SLC6A3: variants seen among roughly 807,000 people sequenced by gnomAD.
SLC6A3 encodes solute carrier family 6 member 3, also known as sodium-dependent dopamine transporter.
A neutral mutation model predicts 70.4 loss-of-function variants in SLC6A3; 19 were observed. That is an observed-to-expected ratio of 0.27 (90% CI 0.19 to 0.40). The LOEUF is 0.40. Ranked by LOEUF, SLC6A3 falls within the 10% of genes least tolerant of loss-of-function variation. SLC6A3 has a pLI of 1.00. For missense variants in SLC6A3, 613 were observed against 838.5 expected, an observed-to-expected ratio of 0.73 and a Z score of 3.32; for synonymous variants, 368 against 356.6, an observed-to-expected ratio of 1.03 and a Z score of -0.36.
At chr5:1,399,241 CA>C (rs1755789674) in intron 14 of SLC6A3, among the ~76,000 whole-genome samples, 1 of 151,782 alleles carries the variant, frequency 6.6e-6, no homozygotes, top group Non-Finnish European at 1.5e-5. Context: ...TATGAGTTGA[CA>C]AAGTCACAAT....
In SLC6A3 at chr5:1,411,141, A is replaced by C. The variant is rs2550936; in HGVS notation, c.1269+102T>G. ...CAAGGACAGGAGGTCTGGGGGCCGT[A>C]CGTGAGCCCAGGGATCTTGCCTAGC... On this transcript the variant is annotated intron_variant, in intron 9 of 14. Coordinates refer to ENST00000270349, the MANE Select transcript of SLC6A3 (RefSeq NM_001044.5). The surrounding 1 kb of genome is among the most constrained non-coding windows in gnomAD (Gnocchi z 6.5). 0.28 allele frequency: 230,373 copies of C among 810,430 alleles called. 38,938 individuals carry two copies. Among genetic ancestry groups the C allele is most frequent in the African/African-American group, 0.68 (40,257 of 59,200 alleles). The allele number at this position is 810,430 out of a possible 1,614,324, so 50.2% of individuals were successfully genotyped here. A position where few individuals can be genotyped will look rare whatever the true frequency, so the allele number is the denominator to read the frequency against.
chr5:1,423,351 C>G (rs1408910688), intron 4 of SLC6A3, among the ~76,000 whole-genome samples: 3 of 97,744 alleles, frequency 3.1e-5, no homozygotes, highest in African/African-American at 9.5e-5. Context: ...CACAGTGCTG[C>G]CCACGCTGCT....
In SLC6A3 at chr5:1,403,011, G is replaced by A; in HGVS notation, c.1678C>T (p.Leu560=). 2 of 1,614,100 alleles carry A rather than the reference G, an allele frequency of 1.2e-6. No individual in the cohort carries two copies. The highest frequency in any genetic ancestry group is 1.7e-6 in the Non-Finnish European group (2 of 1,180,018). Reference sequence around the variant, plus strand: ...GAGGATGTGGCGATGACCCAGCCCAGCGCGTTGGCCCAGTCGGGGAAGATG... The same window carrying A: ...GAGGATGTGGCGATGACCCAGCCCAACGCGTTGGCCCAGTCGGGGAAGATG... ...AYIFPDWANA[L]GWVIATSSMA... is the part of the protein sequence containing the mutation. The change falls in exon 13 of 15, where the codon CTG becomes TTG. Residue 560 remains leucine (L), a synonymous_variant. Coordinates refer to ENST00000270349, the MANE Select transcript of SLC6A3 (RefSeq NM_001044.5).
intron 3 of SLC6A3, among the ~76,000 whole-genome samples, chr5:1,440,098 T>C (rs1756938629): frequency 6.6e-6 from 1 of 152,154 alleles, no homozygotes; most frequent in South Asian, 2.1e-4. Flanking sequence ...CCGGAAAGGT[T>C]CAGTGACAAC....
At position 1,409,713 on chromosome 5, in the gene SLC6A3, GT is replaced by G; in HGVS notation, c.1398+7del. ...CCAGGAGAAGGCGAAGCCGGCGATG[GT>G]ACGTACGTTGGTGACGCAGAACAGG... is the stretch of plus-strand genomic sequence containing the variant. On this transcript the variant is annotated splice_region_variant and intron_variant, in intron 10 of 14. Coordinates refer to ENST00000270349, the MANE Select transcript of SLC6A3 (RefSeq NM_001044.5). The G allele has an allele frequency of 6.2e-7, 1 of 1,613,120 alleles. No individual in the cohort carries two copies. The highest frequency in any genetic ancestry group is 8.5e-7 in the Non-Finnish European group (1 of 1,180,022).
chr5:1,420,475 C>G (rs1044757586), intron 6 of SLC6A3, 94 bp downstream of exon 6: 14 of 1,482,246 alleles, frequency 9.4e-6, no homozygotes, highest in Non-Finnish European at 1.1e-5. Context: ...GTCTGCAACT[C>G]TGACACCTCT....
intron 10 of SLC6A3, 48 bp downstream of exon 10, chr5:1,409,646 TCCCAGCCAGGGCGCCCCGTGCCACGTG>T: frequency 3.2e-6 from 5 of 1,567,578 alleles, no homozygotes. Context: ...GGCCTGACAG[TCCCAGCCAGGGCGCCCCGTGCCACGTG>T]CTAAGGAGAC....
chr5:1,425,197 C>T (rs988330496), intron 4 of SLC6A3, among the ~76,000 whole-genome samples: 2 of 152,210 alleles, frequency 1.3e-5, no homozygotes, highest in African/African-American at 4.8e-5. Flanking sequence ...AGTGGAGCCA[C>T]TGGTGGTGAT....
intron 14 of SLC6A3, among the ~76,000 whole-genome samples, chr5:1,399,796 G>A (rs1215567481): frequency 6.6e-6 from 1 of 152,232 alleles, no homozygotes; most frequent in Non-Finnish European, 1.5e-5. Flanking sequence ...AACAAGCTGT[G>A]CAGATGTGTG....
intron 4 of SLC6A3, among the ~76,000 whole-genome samples, chr5:1,422,962 C>T (rs1358357327): frequency 1.8e-4 from 12 of 68,184 alleles, no homozygotes; most frequent in Non-Finnish European, 2.3e-4. Flanking sequence ...GGGTGCCCAC[C>T]GCTGCCCACA....
rs1012891251 is a variant in SLC6A3, at chr5:1,409,981, G to A, written c.1270-132C>T. On this transcript the variant is annotated intron_variant, in intron 9 of 14. Transcript: ENST00000270349. ...GGAACAGGGGCCACATGGCCGTCCA[G>A]GGTGCAGGATGCCTGGTAGTGAGGA... The A allele has an allele frequency of 6.9e-6, 8 of 1,163,308 alleles. No homozygotes were observed. In the Admixed American group the frequency reaches 1.1e-4, roughly 16 times the overall value. 72.1% of individuals were successfully genotyped at this position (1,163,308 alleles called of 1,614,324 possible).
In SLC6A3 at chr5:1,404,537, T is replaced by C. The variant is rs948350759; in HGVS notation, c.1600-1448A>G. 2.2e-4 allele frequency among the ~76,000 whole-genome samples: 34 copies of C among 152,254 alleles called. No individual in the cohort carries two copies. The highest frequency in any genetic ancestry group is 7.7e-4 in the African/African-American group (32 of 41,472). On this transcript the variant is annotated intron_variant, in intron 12 of 14. Transcript: ENST00000270349. The surrounding 1 kb of genome is among the most constrained non-coding windows in gnomAD (Gnocchi z 5.2). ...GTAAGTTGCCTTTGCTCCGGCATAATTTCCCTTTAGCAGTGCTGTGGCATC... is the reference window on the plus strand; with the variant it reads ...GTAAGTTGCCTTTGCTCCGGCATAACTTCCCTTTAGCAGTGCTGTGGCATC...
intron 12 of SLC6A3, 111 bp from the exon 13 acceptor site, chr5:1,403,200 G>T: frequency 1.5e-6 from 2 of 1,290,564 alleles, no homozygotes; most frequent in Non-Finnish European, 2.2e-6. Context: ...CCACAGCTGT[G>T]CAGGTGCAGA....
At chr5:1,435,700 G>T (rs1579724554) in intron 3 of SLC6A3, among the ~76,000 whole-genome samples, 1 of 151,442 alleles carries the variant, frequency 6.6e-6, no homozygotes, top group Non-Finnish European at 1.5e-5. Flanking sequence ...CTGGGCACCT[G>T]GGTGAGGAAA....
intron 4 of SLC6A3, among the ~76,000 whole-genome samples, chr5:1,423,976 A>G (rs2126377577): frequency 6.6e-6 from 1 of 152,320 alleles, no homozygotes; most frequent in South Asian, 2.1e-4. Context: ...GCTTTCCACC[A>G]GCTGCAAGGC....
chr5:1,427,780 G>A (rs970069541), intron 4 of SLC6A3, among the ~76,000 whole-genome samples: 7 of 152,114 alleles, frequency 4.6e-5, no homozygotes, highest in Non-Finnish European at 7.3e-5. Flanking sequence ...ATGGTAAAGC[G>A]GTCAATTCAA....
In SLC6A3 at chr5:1,396,789, C is replaced by T. The variant is rs1267017014; in HGVS notation, c.1840-2031G>A. ...GATCTGCATGGGGTGTGCATAAGGT[C>T]TTGCTTCAGTAGGGGTTGGTTAGGG... On this transcript the variant is annotated intron_variant, in intron 14 of 14. Transcript: ENST00000270349. This position sits in a 1 kb window ranked among gnomAD's most constrained non-coding sequence, Gnocchi z 7.0. Among the ~76,000 whole-genome samples, 5 of 152,156 alleles carry T rather than the reference C, an allele frequency of 3.3e-5. No individual in the cohort carries two copies. The highest frequency in any genetic ancestry group is 7.2e-5 in the African/African-American group (3 of 41,420).
At chr5:1,441,577 C>T (rs1007732826) in intron 2 of SLC6A3, 87 bp from the exon 3 acceptor site, 17 of 1,487,872 alleles carry the variant, frequency 1.1e-5, no homozygotes, top group Non-Finnish European at 1.5e-5. Flanking sequence ...CCCAGTCAAC[C>T]ATCCATGTCC....
Position 1,404,842 on chromosome 5 carries a change from G to A in SLC6A3, c.1599+1346C>T, listed in dbSNP as rs890563720. Among the ~76,000 whole-genome samples, 48 of 152,232 alleles carry A rather than the reference G, an allele frequency of 3.2e-4. No individual in the cohort carries two copies. The highest frequency in any genetic ancestry group is 3.1e-3 in the Admixed American group (47 of 15,288). On this transcript the variant is annotated intron_variant, in intron 12 of 14. Transcript: ENST00000270349. This position sits in a 1 kb window ranked among gnomAD's most constrained non-coding sequence, Gnocchi z 5.2. ...TTTTATCTAAAAGTCTACGAAGTGTGTTTCTGTATGAAGTTCGAAGATTTA... is the reference window on the plus strand; with the variant it reads ...TTTTATCTAAAAGTCTACGAAGTGTATTTCTGTATGAAGTTCGAAGATTTA...
Sources: gnomAD v4.1 joint callset for allele counts (sites outside exome capture counted in the v4.1 genomes callset) on GRCh38, gnomAD v4.1.1 for gene constraint, Gnocchi (gnomAD v3.1) non-coding constraint, MANE v1.5 for transcripts, NCBI Gene and HGNC (gene_info 2026-07-23, HGNC 2026-07-21) for gene names.